Variants in LRMDA observed in about 807,000 individuals in gnomAD.
The protein encoded by LRMDA is leucine rich melanocyte differentiation associated.
A neutral mutation model predicts 29.8 loss-of-function variants in LRMDA; 18 were observed. That is an observed-to-expected ratio of 0.60 (90% CI 0.42 to 0.90). LRMDA has a LOEUF of 0.90. Among genes scored for constraint, LRMDA ranks in the 40% least tolerant of loss-of-function variants. The pLI is 0.00. For missense variants in LRMDA, 273 were observed against 273.9 expected (o/e 1.00, Z 0.02); for synonymous variants, 125 against 109.4 (o/e 1.14, Z -0.89).
intron 5 of LRMDA, among the ~76,000 whole-genome samples, chr10:76,286,546 A>G (rs578238986): frequency 6.8e-4 from 104 of 152,298 alleles, no homozygotes; most frequent in African/African-American, 2.3e-3. Flanking sequence ...GCAGTTAAGG[A>G]TGAGACCAGC....
chr10:75,553,463 T>C (rs555459680), intron 2 of LRMDA, among the ~76,000 whole-genome samples: 33 of 152,334 alleles, frequency 2.2e-4, no homozygotes, highest in Non-Finnish European at 4.3e-4. Context: ...TGTTGCTTAT[T>C]ACTCAGTGTG....
At chr10:76,153,815 C>T (rs919796168) in intron 5 of LRMDA, among the ~76,000 whole-genome samples, 4 of 152,198 alleles carry the variant, frequency 2.6e-5, no homozygotes, top group South Asian at 2.1e-4. Context: ...AGAACAGTCA[C>T]GAAACAAGAT....
chr10:76,341,703 T>C (rs1841043885), intron 6 of LRMDA, among the ~76,000 whole-genome samples: 1 of 152,144 alleles, frequency 6.6e-6, no homozygotes, highest in East Asian at 1.9e-4. Context: ...GATTCATATG[T>C]TCATGTTTGG....
intron 2 of LRMDA, among the ~76,000 whole-genome samples, chr10:75,562,143 C>G (rs1419752295): frequency 1.3e-5 from 2 of 151,906 alleles, no homozygotes; most frequent in East Asian, 3.9e-4. Context: ...TTAAAGTCTC[C>G]CATTATTATT....
chr10:76,016,346 A>ATT (rs58759646), intron 2 of LRMDA, among the ~76,000 whole-genome samples: 64 of 143,242 alleles, frequency 4.5e-4, no homozygotes, highest in Middle Eastern at 3.6e-3. Flanking sequence ...AAATACTCTG[A>ATT]TTTTTTTTTT....
intron 5 of LRMDA, among the ~76,000 whole-genome samples, chr10:76,197,645 G>A (rs1281080546): frequency 6.6e-6 from 1 of 152,096 alleles, no homozygotes; most frequent in Non-Finnish European, 1.5e-5. Flanking sequence ...GTGGCCGGGT[G>A]CATTGGTTCA....
At chr10:76,450,523 T>C (rs1842395364) in intron 6 of LRMDA, among the ~76,000 whole-genome samples, 2 of 152,286 alleles carry the variant, frequency 1.3e-5, no homozygotes, top group South Asian at 2.1e-4. Flanking sequence ...GCAATTTCTA[T>C]TTTATTAATT....
intron 6 of LRMDA, among the ~76,000 whole-genome samples, chr10:76,428,859 A>T (rs535077901): frequency 1.1e-4 from 17 of 152,280 alleles, no homozygotes; most frequent in African/African-American, 3.9e-4. Flanking sequence ...AAGGGGAAGG[A>T]TTTGAGAAGG....
intron 2 of LRMDA, among the ~76,000 whole-genome samples, chr10:75,895,495 T>C (rs1388227962): frequency 6.6e-6 from 1 of 152,194 alleles, no homozygotes; most frequent in African/African-American, 2.4e-5. Flanking sequence ...AGCTGGCTAG[T>C]GTCCAAGTCA....
At chr10:75,471,911 G>T (rs1489403525) in intron 2 of LRMDA, among the ~76,000 whole-genome samples, 1 of 152,080 alleles carries the variant, frequency 6.6e-6, no homozygotes, top group African/African-American at 2.4e-5. Context: ...TAGAAGGAGA[G>T]CTTGGATTCT....
At chr10:75,908,146 G>T (rs1845786635) in intron 2 of LRMDA, among the ~76,000 whole-genome samples, 1 of 152,206 alleles carries the variant, frequency 6.6e-6, no homozygotes, top group Non-Finnish European at 1.5e-5. Context: ...TTGGGATATT[G>T]TGGAAAGGAA....
intron 2 of LRMDA, among the ~76,000 whole-genome samples, chr10:75,992,204 A>G (rs1483812056): frequency 1.3e-5 from 2 of 151,848 alleles, no homozygotes; most frequent in African/African-American, 4.8e-5. Context: ...AGTCTCACAG[A>G]CTCCAGAGCA....
intron 2 of LRMDA, among the ~76,000 whole-genome samples, chr10:75,844,390 G>GT (rs2132303974): frequency 6.6e-6 from 1 of 152,274 alleles, no homozygotes; most frequent in South Asian, 2.1e-4. Context: ...AAAGCTGCCA[G>GT]TTTTTATAAA....
intron 2 of LRMDA, among the ~76,000 whole-genome samples, chr10:75,611,015 A>G (rs549777945): frequency 6.6e-6 from 1 of 152,090 alleles, no homozygotes; most frequent in South Asian, 2.1e-4. Context: ...CTACTCTTAC[A>G]GGGTTTGGGG....
chr10:76,022,122 T>C (rs529071566), intron 2 of LRMDA, among the ~76,000 whole-genome samples: 1 of 152,284 alleles, frequency 6.6e-6, no homozygotes, highest in South Asian at 2.1e-4. Context: ...CCTTTTAAGG[T>C]CACTTGGAAG....
Position 76,190,231 on chromosome 10 carries a change from TA to T in LRMDA, c.516+131458del, listed in dbSNP as rs971013125. On this transcript the variant is annotated intron_variant, in intron 5 of 6. Coordinates refer to ENST00000611255, the MANE Select transcript of LRMDA (RefSeq NM_001305581.2). ...GATTACATTTAATTAAATTAGGATT[TA>T]AAAAAAAAATTTCCACTCGGATTTT... Among the ~76,000 whole-genome samples the T allele has an allele frequency of 8.0e-3, 1,212 of 151,182 alleles. 18 individuals carry two copies. Among genetic ancestry groups the T allele is most frequent in the African/African-American group, 0.026 (1,084 of 41,392 alleles).
At chr10:75,792,286 A>ATTTGTT (rs1843581473) in intron 2 of LRMDA, among the ~76,000 whole-genome samples, 1 of 117,900 alleles carries the variant, frequency 8.5e-6, no homozygotes, top group Non-Finnish European at 2.0e-5. Context: ...TTTGTTTGAG[A>ATTTGTT]TGGAGTCTCA....
intron 5 of LRMDA, among the ~76,000 whole-genome samples, chr10:76,168,609 T>C (rs976185308): frequency 6.6e-6 from 1 of 151,458 alleles, no homozygotes; most frequent in East Asian, 1.9e-4. Context: ...AGGGTAAAGA[T>C]AGCAAAAAAA....
chr10:75,875,075 A>G (rs1156910536), intron 2 of LRMDA, among the ~76,000 whole-genome samples: 4 of 152,218 alleles, frequency 2.6e-5, no homozygotes, highest in Non-Finnish European at 4.4e-5. Context: ...CCCCTGGATA[A>G]TGGTAACATG....
Sources: allele counts gnomAD v4.1 joint callset (sites outside exome capture counted in the v4.1 genomes callset), GRCh38; gene constraint gnomAD v4.1.1; transcripts MANE v1.5; gene names NCBI Gene and HGNC (gene_info 2026-07-23, HGNC 2026-07-21).